The following ADGRL3 variants were observed in gnomAD, a reference collection of about 807,000 sequenced individuals.
ADGRL3 encodes the protein adhesion G protein-coupled receptor L3.
In ADGRL3, 62 loss-of-function variants were observed where a neutral mutation model predicts 153.5. The observed-to-expected ratio is 0.40, with a 90% CI of 0.33 to 0.50. ADGRL3 has a LOEUF of 0.50. ADGRL3 is among the 20% of genes least tolerant of loss of function. ADGRL3 has a pLI of 0.47. For synonymous variants in ADGRL3, 710 were observed against 672.5 expected (o/e 1.06, Z -0.86); for missense variants, 1,641 against 1,859.4 (o/e 0.88, Z 2.16).
chr4:61,432,654 C>A (rs200376621), intron 2 of ADGRL3, among the ~76,000 whole-genome samples: 1 of 19,710 alleles, frequency 5.1e-5, no homozygotes, highest in Admixed American at 5.6e-4. Context: ...TTCTTTCTTT[C>A]TTTTTTTTTT....
intron 1 of ADGRL3, among the ~76,000 whole-genome samples, chr4:61,290,697 G>A (rs7700036): frequency 0.82 from 122,462 of 149,856 alleles, 50,201 homozygotes; most frequent in Admixed American, 0.87. Context: ...GAGGGAAGGA[G>A]GGAAGGAGGG....
chr4:61,540,278 G>A (rs1393877299), intron 4 of ADGRL3, among the ~76,000 whole-genome samples: 2 of 152,152 alleles, frequency 1.3e-5, no homozygotes, highest in African/African-American at 4.8e-5. Flanking sequence ...GCCAGGCGTG[G>A]TGGCTTATGC....
chr4:61,356,811 A>G (rs2096180959), intron 1 of ADGRL3, among the ~76,000 whole-genome samples: 1 of 152,102 alleles, frequency 6.6e-6, no homozygotes. Flanking sequence ...CACTAAAATA[A>G]CCATGACTGC....
intron 9 of ADGRL3, among the ~76,000 whole-genome samples, chr4:61,869,283 A>C (rs2098421184): frequency 6.6e-6 from 1 of 151,900 alleles, no homozygotes; most frequent in South Asian, 2.1e-4. Context: ...CCAAGTTCCT[A>C]TTATGTAGCA....
chr4:61,608,187 C>T (rs2099039921), intron 5 of ADGRL3, among the ~76,000 whole-genome samples: 1 of 152,212 alleles, frequency 6.6e-6, no homozygotes, highest in African/African-American at 2.4e-5. Flanking sequence ...CTACCAGCTT[C>T]CCACATTTGC....
In ADGRL3 at chr4:61,677,334, C is replaced by G. The variant is rs1252455729; in HGVS notation, c.583+399C>G. The G allele has an allele frequency of 1.6e-5, 6 of 370,918 alleles. No individual in the cohort carries two copies. In the East Asian group the frequency reaches 4.6e-4, roughly 28 times the overall value. 23.0% of individuals were successfully genotyped at this position (370,918 alleles called of 1,614,324 possible). On this transcript the variant is annotated intron_variant, in intron 6 of 26. Coordinates refer to ENST00000683033, the MANE Select transcript of ADGRL3 (RefSeq NM_001387552.1). ...CATTTTGAATTTGATAGAATTGTAT[C>G]TAAGCTTCATCTGCTGTCAACATTT...
intron 1 of ADGRL3, among the ~76,000 whole-genome samples, chr4:61,284,418 T>C (rs2093849063): frequency 6.6e-6 from 1 of 151,976 alleles, no homozygotes; most frequent in Non-Finnish European, 1.5e-5. Context: ...CAAGAAACAG[T>C]GGACCAGTTT....
At chr4:61,498,364 C>T (rs984377036) in intron 3 of ADGRL3, among the ~76,000 whole-genome samples, 1 of 152,052 alleles carries the variant, frequency 6.6e-6, no homozygotes, top group Non-Finnish European at 1.5e-5. Context: ...TCCTGGCTAA[C>T]ACCGTGAAAC....
chr4:61,577,204 G>A (rs771471910), intron 4 of ADGRL3, among the ~76,000 whole-genome samples: 67 of 148,046 alleles, frequency 4.5e-4, no homozygotes, highest in Admixed American at 1.4e-3. Flanking sequence ...GTGTGTGCAT[G>A]TGTGTGTTAG....
intron 1 of ADGRL3, among the ~76,000 whole-genome samples, chr4:61,226,652 G>A (rs989437864): frequency 2.0e-5 from 3 of 152,128 alleles, no homozygotes; most frequent in Admixed American, 6.6e-5. Flanking sequence ...TTGCCTTATT[G>A]TATGGGATGA....
At chr4:62,012,598 A>T (rs997407) in intron 21 of ADGRL3, among the ~76,000 whole-genome samples, 21,202 of 152,180 alleles carry the variant, frequency 0.14, 1,880 homozygotes, top group Non-Finnish European at 0.2. Flanking sequence ...ATCAAATTGC[A>T]TACCTATAAA....
chr4:61,238,984 A>G (rs1241454839), intron 1 of ADGRL3, among the ~76,000 whole-genome samples: 1 of 151,948 alleles, frequency 6.6e-6, no homozygotes, highest in Non-Finnish European at 1.5e-5. Flanking sequence ...CTTTTTAGAC[A>G]CTCTTGTGGG....
chr4:61,517,285 G>T (rs1261796261), intron 3 of ADGRL3, 30 bp from the exon 4 acceptor site: 2 of 701,280 alleles, frequency 2.9e-6, no homozygotes, highest in Non-Finnish European at 5.2e-6. Context: ...GTGAGCAGGG[G>T]TCTGATGGTG....
chr4:62,053,554 C>T (rs74594864), intron 25 of ADGRL3, among the ~76,000 whole-genome samples: 4 of 151,214 alleles, frequency 2.6e-5, no homozygotes, highest in Non-Finnish European at 5.9e-5. Context: ...TGGAGAATTA[C>T]GAAAGATTTG....
intron 5 of ADGRL3, among the ~76,000 whole-genome samples, chr4:61,603,728 G>GTT (rs1491307181): frequency 2.4e-3 from 363 of 151,542 alleles, no homozygotes; most frequent in Non-Finnish European, 4.2e-3. Context: ...GTGTGTGTGT[G>GTT]TGTTTGTTTG....
chr4:61,823,079 G>A (rs1211527670), intron 9 of ADGRL3, among the ~76,000 whole-genome samples: 4 of 152,150 alleles, frequency 2.6e-5, no homozygotes, highest in Non-Finnish European at 5.9e-5. Context: ...ATCAGGCTCA[G>A]TTCTCTCAAC....
chr4:61,341,195 C>G (rs1013736410), intron 1 of ADGRL3, among the ~76,000 whole-genome samples: 2 of 151,782 alleles, frequency 1.3e-5, no homozygotes, highest in African/African-American at 4.8e-5. Context: ...CAAAACCATT[C>G]ATTAAATTTA....
chr4:61,737,633 A>C (rs1200111506), intron 8 of ADGRL3, among the ~76,000 whole-genome samples: 2 of 152,226 alleles, frequency 1.3e-5, no homozygotes, highest in Non-Finnish European at 2.9e-5. Flanking sequence ...TGTAATAGGC[A>C]CAATACAGTA....
At chr4:61,965,988 A>G (rs1226933079) in intron 17 of ADGRL3, among the ~76,000 whole-genome samples, 1 of 152,284 alleles carries the variant, frequency 6.6e-6, no homozygotes, top group African/African-American at 2.4e-5. Flanking sequence ...TATTGTCACT[A>G]AGCCTGTGGG....
Sources: allele counts gnomAD v4.1 joint callset (sites outside exome capture counted in the v4.1 genomes callset), GRCh38; gene constraint gnomAD v4.1.1; transcripts MANE v1.5; gene names NCBI Gene and HGNC (gene_info 2026-07-23, HGNC 2026-07-21).